Variants in SLC5A11 observed in about 807,000 individuals in gnomAD.
SLC5A11 encodes solute carrier family 5 member 11.
A neutral mutation model predicts 69.8 loss-of-function variants in SLC5A11; 48 were observed. The observed-to-expected ratio is 0.69, with a 90% CI of 0.55 to 0.87. The LOEUF is 0.87. SLC5A11 is among the 40% of genes least tolerant of loss of function. SLC5A11 has a pLI of 0.00. For missense variants in SLC5A11, 784 were observed against 866.1 expected (o/e 0.91, Z 1.19); for synonymous variants, 319 against 342.4 (o/e 0.93, Z 0.75).
At chr16:24,847,861 T>TG (rs889614767) in intron 1 of SLC5A11, among the ~76,000 whole-genome samples, 2 of 152,248 alleles carry the variant, frequency 1.3e-5, no homozygotes, top group Non-Finnish European at 2.9e-5. Flanking sequence ...ATGCCTGTTT[T>TG]GGGGACACAA....
chr16:24,858,718 G>T (rs761858463), exon 2 of SLC5A11: 1 of 1,611,968 alleles, frequency 6.2e-7, no homozygotes, highest in Non-Finnish European at 8.5e-7. Flanking sequence ...AGGGCTTGGA[G>T]CCTGGGGACA....
chr16:24,888,783 CTTTTTTTTTTTT>C (rs1169015317), intron 8 of SLC5A11, among the ~76,000 whole-genome samples: 3 of 45,738 alleles, frequency 6.6e-5, no homozygotes, highest in Non-Finnish European at 9.0e-5. Context: ...CGTGCCTGTC[CTTTTTTTTTTTT>C]TTTTTTTTTT....
At chr16:24,864,444 T>G (rs2046792934) in intron 3 of SLC5A11, among the ~76,000 whole-genome samples, 1 of 152,130 alleles carries the variant, frequency 6.6e-6, no homozygotes, top group South Asian at 2.1e-4. Flanking sequence ...AAGAAAGTCA[T>G]GAAACAAACA....
intron 2 of SLC5A11, among the ~76,000 whole-genome samples, chr16:24,859,904 C>T (rs2059688814): frequency 6.6e-6 from 1 of 152,200 alleles, no homozygotes; most frequent in Admixed American, 6.5e-5. Context: ...AATCCCAGCA[C>T]TTTGGGAGGC....
chr16:24,874,264 T>C (rs1309219877), intron 5 of SLC5A11, among the ~76,000 whole-genome samples: 1 of 152,212 alleles, frequency 6.6e-6, no homozygotes, highest in African/African-American at 2.4e-5. Context: ...CCAGTATTGG[T>C]CTATGATAGA....
At chr16:24,862,944 A>G (rs1354386311) in intron 3 of SLC5A11, among the ~76,000 whole-genome samples, 4 of 142,060 alleles carry the variant, frequency 2.8e-5, no homozygotes, top group African/African-American at 5.2e-5. Flanking sequence ...TATATAAAAT[A>G]TATAACATAT....
chr16:24,897,144 GA>G (rs957602587), intron 9 of SLC5A11, among the ~76,000 whole-genome samples: 6 of 151,780 alleles, frequency 4.0e-5, no homozygotes, highest in African/African-American at 1.2e-4. Context: ...TATAGAGATA[GA>G]GTTTCACCAT....
chr16:24,863,853 A>C (rs1567589623), intron 3 of SLC5A11, among the ~76,000 whole-genome samples: 1 of 152,196 alleles, frequency 6.6e-6, no homozygotes, highest in African/African-American at 2.4e-5. Context: ...TGAAGAGGTC[A>C]GAATGGGATT....
At chr16:24,863,239 A>T (rs2046715606) in intron 3 of SLC5A11, among the ~76,000 whole-genome samples, 1 of 151,898 alleles carries the variant, frequency 6.6e-6, no homozygotes, top group South Asian at 2.1e-4. Context: ...GGACTCATTC[A>T]TGCAGCTGCA....
chr16:24,887,289 A>G (rs1259363746), intron 8 of SLC5A11, among the ~76,000 whole-genome samples: 1 of 152,198 alleles, frequency 6.6e-6, no homozygotes, highest in Non-Finnish European at 1.5e-5. Flanking sequence ...GTAGTAAATA[A>G]TGATCCAGTT....
chr16:24,854,810 C>T (rs2059456514), intron 1 of SLC5A11, among the ~76,000 whole-genome samples: 1 of 152,144 alleles, frequency 6.6e-6, no homozygotes, highest in African/African-American at 2.4e-5. Flanking sequence ...AGGGTCCCCT[C>T]ACCCCCTCCC....
exon 16 of SLC5A11, chr16:24,911,610 GC>G (rs2050535531): frequency 2.8e-6 from 4 of 1,438,692 alleles, no homozygotes; most frequent in Non-Finnish European, 3.9e-6. Context: ...AAATAATAAA[GC>G]TTTTGTTTAC....
At position 24,870,142 on chromosome 16, in the gene SLC5A11, C is replaced by T. The variant is rs1186042535; in HGVS notation, c.312+137C>T. 6 of 588,844 alleles carry T rather than the reference C, an allele frequency of 1.0e-5. No individual in the cohort carries two copies. In the East Asian group the frequency reaches 2.0e-4, roughly 19 times the overall value. The allele number at this position is 588,844 out of a possible 1,614,324, so 36.5% of individuals were successfully genotyped here. On this transcript the variant is annotated intron_variant, in intron 4 of 15. Transcript: ENST00000347898. ...GCGCGGTGGCTCACGCCTGTAATCTCAGCACTTTGGGAGGCCAAGGCAGGT... is the reference window on the plus strand; with the variant it reads ...GCGCGGTGGCTCACGCCTGTAATCTTAGCACTTTGGGAGGCCAAGGCAGGT...
chr16:24,870,770 A>T (rs1597080074), intron 4 of SLC5A11, among the ~76,000 whole-genome samples: 1 of 114,226 alleles, frequency 8.8e-6, no homozygotes, highest in Non-Finnish European at 1.7e-5. Flanking sequence ...ACAGAGTGAG[A>T]CTCTGTCTCA....
At chr16:24,858,659 A>C in exon 2 of SLC5A11, 1 of 1,610,184 alleles carries the variant, frequency 6.2e-7, no homozygotes, top group Non-Finnish European at 8.5e-7. Flanking sequence ...GAGCGGCACC[A>C]GCAGCCCTCA....
intron 3 of SLC5A11, among the ~76,000 whole-genome samples, 176 bp downstream of exon 4, chr16:24,862,848 C>A (rs1216597227): frequency 6.7e-6 from 1 of 148,890 alleles, no homozygotes; most frequent in Non-Finnish European, 1.5e-5. Flanking sequence ...CAAAAAAAAA[C>A]AATTTGTCAC....
intron 10 of SLC5A11, among the ~76,000 whole-genome samples, chr16:24,901,399 G>A (rs536452145): frequency 4.6e-5 from 7 of 152,054 alleles, no homozygotes; most frequent in Admixed American, 1.3e-4. Context: ...CAGATCGCTC[G>A]AGCTCAGCAG....
chr16:24,898,619 C>T (rs767719486), intron 10 of SLC5A11, among the ~76,000 whole-genome samples: 12 of 149,564 alleles, frequency 8.0e-5, no homozygotes, highest in East Asian at 6.0e-4. Flanking sequence ...CCTGGGTTCA[C>T]GCCATTCTCC....
chr16:24,888,478 CTTTTTTT>C (rs891552223), intron 8 of SLC5A11, among the ~76,000 whole-genome samples: 15 of 81,408 alleles, frequency 1.8e-4, no homozygotes, highest in Admixed American at 3.5e-4. Flanking sequence ...GTATCTATTT[CTTTTTTT>C]TTTTTTTTTT....
Sources: gnomAD v4.1 joint callset for allele counts (sites outside exome capture counted in the v4.1 genomes callset) on GRCh38, gnomAD v4.1.1 for gene constraint, MANE v1.5 for transcripts, NCBI Gene and HGNC (gene_info 2026-07-23, HGNC 2026-07-21) for gene names.